The following PRPSAP1 variants were observed in gnomAD, a reference collection of about 807,000 sequenced individuals.
The protein encoded by PRPSAP1 is phosphoribosyl pyrophosphate synthetase associated protein 1.
PRPSAP1 carries 31 observed loss-of-function variants against 39.4 expected under a neutral mutation model. That is an observed-to-expected ratio of 0.79 (90% CI 0.59 to 1.06). The LOEUF (loss-of-function observed/expected upper bound fraction) is 1.06. Ranked by LOEUF, PRPSAP1 falls within the 50% of genes least tolerant of loss-of-function variation. The pLI is 0.00. For missense variants in PRPSAP1, 430 were observed against 511.6 expected (o/e 0.84, Z 1.54); for synonymous variants, 212 against 192.6 (o/e 1.10, Z -0.83).
chr17:76,324,425 C>A (rs540558442), intron 7 of PRPSAP1, among the ~76,000 whole-genome samples: 1 of 151,530 alleles, frequency 6.6e-6, no homozygotes, highest in African/African-American at 2.4e-5. Flanking sequence ...ATGGTGAAAC[C>A]CTGTCTCTAC....
At chr17:76,328,001 C>CTT (rs2143492221) in intron 7 of PRPSAP1, among the ~76,000 whole-genome samples, 1 of 151,690 alleles carries the variant, frequency 6.6e-6, no homozygotes, top group South Asian at 2.1e-4. Context: ...CTGGGCAATG[C>CTT]AGGGAGCCCC....
chr17:76,339,703 C>T, intron 3 of PRPSAP1, among the ~76,000 whole-genome samples: 1 of 151,678 alleles, frequency 6.6e-6, no homozygotes, highest in Non-Finnish European at 1.5e-5. Flanking sequence ...CCCATTTATA[C>T]CTATGTGCCT....
chr17:76,347,617 G>A (rs992446188), intron 2 of PRPSAP1, among the ~76,000 whole-genome samples: 3 of 151,868 alleles, frequency 2.0e-5, no homozygotes, highest in African/African-American at 7.3e-5. Flanking sequence ...TGAAGAGTCT[G>A]GAATTTATTC....
At chr17:76,350,697 T>C (rs2071558748) in intron 1 of PRPSAP1, among the ~76,000 whole-genome samples, 1 of 152,056 alleles carries the variant, frequency 6.6e-6, no homozygotes, top group Admixed American at 6.6e-5. Flanking sequence ...TGTGCAACAC[T>C]GTGAATGTAG....
intron 7 of PRPSAP1, among the ~76,000 whole-genome samples, chr17:76,319,985 G>A (rs953994117): frequency 6.6e-6 from 1 of 151,904 alleles, no homozygotes; most frequent in Non-Finnish European, 1.5e-5. Context: ...TAAAATAAAT[G>A]TAGGCTGGGC....
chr17:76,338,277 A>G (rs1170293800), intron 3 of PRPSAP1, among the ~76,000 whole-genome samples: 3 of 152,206 alleles, frequency 2.0e-5, no homozygotes, highest in Non-Finnish European at 4.4e-5. Flanking sequence ...AAGGCAACTA[A>G]GCTTATTTTA....
chr17:76,342,096 G>T (rs1460126463), intron 3 of PRPSAP1, among the ~76,000 whole-genome samples: 1 of 152,074 alleles, frequency 6.6e-6, no homozygotes, highest in Non-Finnish European at 1.5e-5. Flanking sequence ...ACAGGGCATG[G>T]ACCCTCACAA....
At chr17:76,315,944 A>G (rs2071118693) in intron 7 of PRPSAP1, among the ~76,000 whole-genome samples, 1 of 151,162 alleles carries the variant, frequency 6.6e-6, no homozygotes, top group Non-Finnish European at 1.5e-5. Flanking sequence ...TTGAGAGGCC[A>G]AGGCAGGCGG....
chr17:76,337,698 C>T (rs796554332), intron 3 of PRPSAP1, among the ~76,000 whole-genome samples: 5 of 152,136 alleles, frequency 3.3e-5, no homozygotes, highest in African/African-American at 1.2e-4. Flanking sequence ...CTCTGCCTTC[C>T]GGGTTCAATC....
At chr17:76,312,847 T>C (rs111254715) in intron 9 of PRPSAP1, 23 bp downstream of exon 9, 2 of 1,591,702 alleles carry the variant, frequency 1.3e-6, no homozygotes, top group African/African-American at 2.7e-5. Context: ...AAATCTTGGC[T>C]CAAGATTTAG....
chr17:76,324,403 A>G (rs1025337713), intron 7 of PRPSAP1, among the ~76,000 whole-genome samples: 2 of 151,826 alleles, frequency 1.3e-5, no homozygotes, highest in African/African-American at 4.8e-5. Context: ...GTTCCAGACC[A>G]GCCTGACCAA....
At chr17:76,354,153 C>A, upstream of PRPSAP1, 2 of 993,250 alleles carry the variant, frequency 2.0e-6, no homozygotes, top group Non-Finnish European at 2.4e-6. Flanking sequence ...ACTTTTTGGC[C>A]AGGACCCAAC....
At chr17:76,348,640 A>G in intron 1 of PRPSAP1, 59 bp from the exon 2 acceptor site, 1 of 1,283,030 alleles carries the variant, frequency 7.8e-7, no homozygotes, top group Non-Finnish European at 1.1e-6. Context: ...AAAAAATTCC[A>G]GTTCATATGC....
At chr17:76,315,699 GCTTT>G (rs978056960) in intron 7 of PRPSAP1, among the ~76,000 whole-genome samples, 2 of 100,098 alleles carry the variant, frequency 2.0e-5, no homozygotes, top group Non-Finnish European at 3.6e-5. Context: ...TGACCTATCC[GCTTT>G]TTTTTTTTTT....
In PRPSAP1 at chr17:76,328,761, G is replaced by A. The variant is rs769487899; in HGVS notation, c.737C>T (p.Pro246Leu). Residue 246 changes from proline to leucine, a missense_variant, in exon 7 of 10, where the codon CCT (proline) becomes CTT (leucine). Physicochemically the swap from Pro to Leu is moderately conservative, Grantham distance 98 (BLOSUM62 -3). This residue lies in a region of PRPSAP1 where 278 missense variants were observed against 376.3 expected (regional missense o/e 0.74). Transcript: ENST00000446526. The part of the protein sequence containing the change: ...LDMDDGRHSP[P>L]MVKNATVHPG... ...GTGCACAGTAGCATTTTTGACCATA[G>A]GCGGGGAGTGACGACCATCGTCCAT... 10 of 1,614,014 alleles carry A rather than the reference G, an allele frequency of 6.2e-6. No homozygotes were observed. The highest frequency in any genetic ancestry group is 6.8e-6 in the Non-Finnish European group (8 of 1,180,028).
At chr17:76,321,647 T>A (rs77171513) in intron 7 of PRPSAP1, among the ~76,000 whole-genome samples, 1 of 152,278 alleles carries the variant, frequency 6.6e-6, no homozygotes, top group Non-Finnish European at 1.5e-5. Flanking sequence ...ATATTGAAAT[T>A]AGGCCAATAA....
At chr17:76,325,674 C>T (rs2071248812) in intron 7 of PRPSAP1, among the ~76,000 whole-genome samples, 1 of 149,230 alleles carries the variant, frequency 6.7e-6, no homozygotes, top group Non-Finnish European at 1.5e-5. Flanking sequence ...TTTCAGCTCA[C>T]TGTAAGCTCC....
chr17:76,330,527 G>GA, intron 5 of PRPSAP1, 24 bp downstream of exon 5: 1 of 1,485,188 alleles, frequency 6.7e-7, no homozygotes, highest in Non-Finnish European at 9.3e-7. Context: ...GAGGACAATG[G>GA]GGTGTTTGCT....
At chr17:76,332,568 T>C (rs1348282235) in intron 3 of PRPSAP1, 133 bp from the exon 4 acceptor site, 3 of 997,860 alleles carry the variant, frequency 3.0e-6, no homozygotes, top group African/African-American at 3.3e-5. Context: ...TAGCTTACAA[T>C]GGCACCTCAT....
Sources: allele counts gnomAD v4.1 joint callset (sites outside exome capture counted in the v4.1 genomes callset), GRCh38; gene constraint gnomAD v4.1.1; regional missense constraint gnomAD v4.1.1; transcripts MANE v1.5; gene names NCBI Gene and HGNC (gene_info 2026-07-23, HGNC 2026-07-21).